Variants in RTN3 observed in about 807,000 individuals in gnomAD.
RTN3 encodes reticulon 3.
Under a neutral mutation model 77.8 loss-of-function variants are expected in RTN3, and 49 were observed. The observed-to-expected ratio is 0.63, with a 90% confidence interval of 0.50 to 0.80. The LOEUF (loss-of-function observed/expected upper bound fraction) is 0.80, where lower values mean the gene tolerates loss of function less well. Among genes scored for constraint, RTN3 ranks in the 30% least tolerant of loss-of-function variants. The pLI, the probability that RTN3 is intolerant of heterozygous loss-of-function variation, is 0.00. For missense variants in RTN3, 1,236 were observed against 1,211.9 expected (o/e 1.02, Z -0.29); for synonymous variants, 464 against 446.9 (o/e 1.04, Z -0.48).
intron 3 of RTN3, among the ~76,000 whole-genome samples, chr11:63,739,456 T>C (rs1467108163): frequency 6.6e-6 from 1 of 152,214 alleles, no homozygotes; most frequent in Non-Finnish European, 1.5e-5. Flanking sequence ...TGTGTACTAG[T>C]GTGGCAGTTC....
At chr11:63,710,428 A>G (rs1218462603) in intron 2 of RTN3, among the ~76,000 whole-genome samples, 1 of 152,146 alleles carries the variant, frequency 6.6e-6, no homozygotes, top group Non-Finnish European at 1.5e-5. Context: ...AAAAGAGAGA[A>G]ATTTCTTCCT....
Position 63,719,456 on chromosome 11 carries a change from A to G in RTN3, c.954A>G (p.Thr318=). The G allele has an allele frequency of 1.2e-6, 2 of 1,614,162 alleles. No individual in the cohort carries two copies. Among genetic ancestry groups the G allele is most frequent in the Non-Finnish European group, 1.7e-6 (2 of 1,180,030 alleles). Residue 318 remains threonine (T), a synonymous_variant, in exon 3 of 9, where the codon ACA becomes ACG. Transcript: ENST00000377819. The stretch of plus-strand genomic sequence containing the variant: ...TGCTCAGTAGGCAGTTTTCACACAC[A>G]AATGCAGCACTGGAAGAGGTGTCCA... ...SALLSRQFSH[T]NAALEEVSRC... is the part of the protein sequence containing the mutation.
intron 3 of RTN3, among the ~76,000 whole-genome samples, chr11:63,739,553 T>C (rs968232053): frequency 2.6e-5 from 4 of 152,212 alleles, no homozygotes; most frequent in African/African-American, 7.2e-5. Context: ...ATTCCCTGTC[T>C]GTATCAGTGG....
intron 7 of RTN3, among the ~76,000 whole-genome samples, chr11:63,755,508 A>C (rs1476470675): frequency 6.6e-6 from 1 of 151,832 alleles, no homozygotes; most frequent in South Asian, 2.1e-4. Flanking sequence ...AAAATTAGCC[A>C]GGCATGGTGG....
chr11:63,744,224 G>A (rs1037343521), intron 3 of RTN3, among the ~76,000 whole-genome samples: 1 of 97,676 alleles, frequency 1.0e-5, no homozygotes, highest in Admixed American at 1.7e-4. Context: ...CCTGGCGACA[G>A]AGCAAGACTC....
intron 7 of RTN3, 93 bp from the exon 8 acceptor site, chr11:63,756,018 TA>T: frequency 2.2e-6 from 2 of 893,766 alleles, no homozygotes; most frequent in Non-Finnish European, 1.9e-6. Flanking sequence ...CAGTCGTGTT[TA>T]AAAAATGGTT....
chr11:63,718,063 C>T (rs1458019618), intron 2 of RTN3, among the ~76,000 whole-genome samples: 1 of 151,570 alleles, frequency 6.6e-6, no homozygotes, highest in Non-Finnish European at 1.5e-5. Context: ...TTTTCAGTAC[C>T]CTTTAGTTTA....
At chr11:63,728,448 G>A (rs563811016) in intron 3 of RTN3, among the ~76,000 whole-genome samples, 2 of 152,334 alleles carry the variant, frequency 1.3e-5, no homozygotes, top group East Asian at 1.9e-4. Flanking sequence ...TCTCCAAGGA[G>A]CCAGCAAAGG....
chr11:63,694,224 TG>T (rs1941813603), intron 1 of RTN3, among the ~76,000 whole-genome samples: 1 of 152,116 alleles, frequency 6.6e-6, no homozygotes, highest in South Asian at 2.1e-4. Flanking sequence ...TTGCCCAGGC[TG>T]GAGTGCAATG....
chr11:63,718,582 C>T (rs1349049624), intron 2 of RTN3, 120 bp from the exon 3 acceptor site: 1 of 621,318 alleles, frequency 1.6e-6, no homozygotes, highest in Non-Finnish European at 2.6e-6. Context: ...TATATACATC[C>T]TGTGTGTGTA....
intron 1 of RTN3, among the ~76,000 whole-genome samples, chr11:63,704,514 C>T (rs1249531001): frequency 6.6e-6 from 1 of 152,034 alleles, no homozygotes. Flanking sequence ...TTATTTTCCC[C>T]TTCCCACACA....
intron 3 of RTN3, among the ~76,000 whole-genome samples, chr11:63,737,347 T>C (rs1299512380): frequency 6.6e-6 from 1 of 152,216 alleles, no homozygotes; most frequent in Non-Finnish European, 1.5e-5. Context: ...CGGTGTCTCA[T>C]GCCTGTAATC....
chr11:63,682,754 A>G (rs776347851), intron 1 of RTN3, among the ~76,000 whole-genome samples: 14 of 151,970 alleles, frequency 9.2e-5, no homozygotes, highest in Non-Finnish European at 1.3e-4. Context: ...TTTAGTTTGC[A>G]TTGTATACGC....
At chr11:63,751,477 T>C (rs1043082028) in intron 4 of RTN3, among the ~76,000 whole-genome samples, 1 of 152,216 alleles carries the variant, frequency 6.6e-6, no homozygotes, top group Admixed American at 6.5e-5. Flanking sequence ...TTAACTAATG[T>C]TTTCTTCACA....
Position 63,719,527 on chromosome 11 carries a change from G to A in RTN3, c.1025G>A (p.Trp342Ter). 1 of 1,614,144 alleles carries A rather than the reference G, an allele frequency of 6.2e-7. No homozygotes were observed. Among genetic ancestry groups the A allele is most frequent in the Non-Finnish European group, 8.5e-7 (1 of 1,180,022 alleles). ...MHNFTNEILT[W>*]DLVPQVKQQT... ...AACTTTACTAACGAAATACTGACTT[G>A]GGATCTGGTTCCCCAAGTGAAACAA... Residue 342 changes from tryptophan (W) to a stop codon, truncating the protein, a stop_gained, in exon 3 of 9, where the codon TGG becomes TAG. Coordinates refer to ENST00000377819, the MANE Select transcript of RTN3 (RefSeq NM_001265589.2). LOFTEE classifies it high-confidence loss of function.
At chr11:63,712,017 C>G (rs2011172543) in intron 2 of RTN3, among the ~76,000 whole-genome samples, 1 of 152,226 alleles carries the variant, frequency 6.6e-6, no homozygotes, top group Non-Finnish European at 1.5e-5. Context: ...GCATCTTTAT[C>G]TGCATAGAAC....
At chr11:63,688,883 G>A (rs935300554) in intron 1 of RTN3, among the ~76,000 whole-genome samples, 2 of 152,072 alleles carry the variant, frequency 1.3e-5, no homozygotes, top group African/African-American at 4.8e-5. Context: ...AAGGGAAAAG[G>A]GAAAGTTGAG....
Position 63,720,426 on chromosome 11 carries a change from A to G in RTN3, c.1924A>G (p.Asn642Asp). The change falls in exon 3 of 9, where the codon AAT becomes GAT. Residue 642 changes from asparagine to aspartate, a missense_variant. Around this residue, in one of 3 missense-constraint regions of RTN3, gnomAD observed 1,056 missense variants for 990.4 expected, o/e 1.07. Transcript: ENST00000377819. ...CTATTTGGAGTCATTACATGGGAAAAATGTTAAACATATAGATGATTCCTC... is the reference window on the plus strand; with the variant it reads ...CTATTTGGAGTCATTACATGGGAAAGATGTTAAACATATAGATGATTCCTC... ...SAYLESLHGK[N>D]VKHIDDSSPE... 1.2e-6 allele frequency: 2 copies of G among 1,613,676 alleles called. No individual in the cohort carries two copies. The highest frequency in any genetic ancestry group is 1.1e-5 in the South Asian group (1 of 90,966).
At chr11:63,698,560 C>T (rs1025361110) in intron 1 of RTN3, 2 of 157,018 alleles carry the variant, frequency 1.3e-5, no homozygotes, top group East Asian at 1.9e-4. Flanking sequence ...TTCTTGATCC[C>T]CTTTAAATAC....
Sources: allele counts gnomAD v4.1 joint callset (sites outside exome capture counted in the v4.1 genomes callset), GRCh38; gene constraint gnomAD v4.1.1; regional missense constraint gnomAD v4.1.1; transcripts MANE v1.5; gene names NCBI Gene and HGNC (gene_info 2026-07-23, HGNC 2026-07-21).